The following TRPM4 variants were observed in gnomAD, a reference collection of about 807,000 sequenced individuals.
TRPM4 encodes calcium-activated non-selective cation channel 1.
In TRPM4, 124 loss-of-function variants were observed where a neutral mutation model predicts 135.6. That is an observed-to-expected ratio of 0.91 (90% CI 0.79 to 1.06). The LOEUF is 1.06. Among genes scored for constraint, TRPM4 ranks in the 50% least tolerant of loss-of-function variants. The probability of loss-of-function intolerance (pLI) is 0.00; values close to 1 mark genes in which losing one functional copy is unlikely to be tolerated. For missense variants in TRPM4, 1,658 were observed against 1,671.4 expected (o/e 0.99, Z 0.14); for synonymous variants, 745 against 705.6 (o/e 1.06, Z -0.88).
At chr19:49,170,049 T>A (rs1431903055) in intron 6 of TRPM4, among the ~76,000 whole-genome samples, 2 of 152,196 alleles carry the variant, frequency 1.3e-5, no homozygotes, top group Non-Finnish European at 2.9e-5. Context: ...AATAGGTACT[T>A]TTGTCCCTTC....
In TRPM4 at chr19:49,208,956, CAA is replaced by C. The variant is rs35021741; in HGVS notation, c.3132-1236_3132-1235del. Among the ~76,000 whole-genome samples the C allele has an allele frequency of 5.0e-3, 514 of 103,792 alleles. 1 individual carries two copies. Among genetic ancestry groups the C allele is most frequent in the Middle Eastern group, 0.028 (5 of 180 alleles). The allele number at this position is 103,792 out of a possible 152,430, so 68.1% of individuals were successfully genotyped here. A position where few individuals can be genotyped will look rare whatever the true frequency, so the allele number is the denominator to read the frequency against. On this transcript the variant is annotated intron_variant, in intron 20 of 24. Transcript: ENST00000252826. ...CCTGTGGGACAGAGCAAGACTCCAT[CAA>C]AAAAAAAAAAAAAAAATCGTGAAGT...
chr19:49,199,060 C>T (rs942200720), intron 17 of TRPM4, among the ~76,000 whole-genome samples: 6 of 152,000 alleles, frequency 3.9e-5, no homozygotes, highest in African/African-American at 1.2e-4. Context: ...CCCTTGAGGC[C>T]ATGCTCGACA....
At chr19:49,183,333 C>A in intron 12 of TRPM4, 121 bp downstream of exon 12, 1 of 1,265,528 alleles carries the variant, frequency 7.9e-7, no homozygotes, top group East Asian at 2.4e-5. Flanking sequence ...GCCCCATCCT[C>A]CGTCGCTGAT....
chr19:49,158,047 T>A, intron 1 of TRPM4, 145 bp from the exon 2 acceptor site: 1 of 1,254,186 alleles, frequency 8.0e-7, no homozygotes, highest in Non-Finnish European at 1.1e-6. Flanking sequence ...GGGTCGAGAC[T>A]CCTGAGTCTG....
chr19:49,189,190 C>T (rs1968317172), intron 14 of TRPM4, 99 bp downstream of exon 14: 2 of 1,534,282 alleles, frequency 1.3e-6, no homozygotes, highest in Non-Finnish European at 1.8e-6. Flanking sequence ...TGGTCTTGAC[C>T]AGCCACTCTC....
chr19:49,163,004 C>T (rs12462397), intron 2 of TRPM4, among the ~76,000 whole-genome samples: 5,186 of 151,858 alleles, frequency 0.034, 150 homozygotes, highest in East Asian at 0.15. Flanking sequence ...TCAGGTGATC[C>T]GCCCACCTTG....
chr19:49,170,244 A>G (rs908268545), intron 6 of TRPM4, among the ~76,000 whole-genome samples: 4 of 152,158 alleles, frequency 2.6e-5, no homozygotes, highest in Non-Finnish European at 5.9e-5. Flanking sequence ...GCTGGAGTGC[A>G]GTGGCGTGAT....
Position 49,210,632 on chromosome 19 carries a change from TTC to T in TRPM4, c.3329-76_3329-75del. 1 of 1,608,094 alleles carries T rather than the reference TTC, an allele frequency of 6.2e-7. No homozygotes were observed. Among genetic ancestry groups the T allele is most frequent in the Non-Finnish European group, 8.5e-7 (1 of 1,175,932 alleles). ...GGCTGGGTCTGGGATAGCGTGCGTG[TTC>T]TGAGGGTGTCGGAAGGGGCAGCTGG... is the stretch of plus-strand genomic sequence containing the variant. On this transcript the variant is annotated intron_variant, in intron 21 of 24. Transcript: ENST00000252826. This position sits in a 1 kb window ranked among gnomAD's most constrained non-coding sequence, Gnocchi z 4.1.
chr19:49,163,387 G>A (rs1245615041), intron 2 of TRPM4, among the ~76,000 whole-genome samples: 2 of 151,222 alleles, frequency 1.3e-5, no homozygotes, highest in South Asian at 2.1e-4. Context: ...GTAGAGATAA[G>A]GTTTCACTAT....
intron 3 of TRPM4, chr19:49,167,651 G>T: frequency 3.0e-6 from 1 of 335,956 alleles, no homozygotes; most frequent in Non-Finnish European, 5.3e-6. Context: ...CTCTCTCTCT[G>T]GGTCTCTGTC....
intron 17 of TRPM4, among the ~76,000 whole-genome samples, chr19:49,198,814 G>A (rs148516009): frequency 0.017 from 2,647 of 151,960 alleles, 79 homozygotes; most frequent in African/African-American, 0.054. Context: ...GCCCAGGCTG[G>A]TCTCAAACTC....
intron 3 of TRPM4, among the ~76,000 whole-genome samples, chr19:49,167,259 C>T (rs1280815746): frequency 2.1e-5 from 3 of 142,712 alleles, no homozygotes; most frequent in African/African-American, 2.7e-5. Context: ...CTCTGGGTCT[C>T]TGTCCCTCTC....
intron 9 of TRPM4, among the ~76,000 whole-genome samples, chr19:49,177,373 C>T (rs968728538): frequency 4.3e-5 from 6 of 138,472 alleles, no homozygotes; most frequent in African/African-American, 1.1e-4. Context: ...CTCGCTCTGT[C>T]GCCCAGGCTG....
In TRPM4 at chr19:49,188,932, C is replaced by G. The variant is rs761926597; in HGVS notation, c.1874-14C>G. On this transcript the variant is annotated splice_polypyrimidine_tract_variant and intron_variant, in intron 13 of 24. Coordinates refer to ENST00000252826, the MANE Select transcript of TRPM4 (RefSeq NM_017636.4). ...CTTCCCATCCCTGTCACATAACTAA[C>G]TCCTCTGCCCCAGACCTCTTTGGCG... 1 of 1,614,120 alleles carries G rather than the reference C, an allele frequency of 6.2e-7. No individual in the cohort carries two copies. The highest frequency in any genetic ancestry group is 1.1e-5 in the South Asian group (1 of 91,090).
At chr19:49,180,646 C>T (rs1278686306) in intron 9 of TRPM4, among the ~76,000 whole-genome samples, 1 of 151,952 alleles carries the variant, frequency 6.6e-6, no homozygotes, top group Non-Finnish European at 1.5e-5. Flanking sequence ...CTCCTCTGGG[C>T]CCTAATCATA....
Position 49,188,745 on chromosome 19 carries a change from G to A in TRPM4, c.1848G>A (p.Ala616=), listed in dbSNP as rs778545157. The change falls in exon 13 of 25, where the codon GCG becomes GCA. Residue 616 remains alanine (A), a synonymous_variant. Transcript: ENST00000252826. ...AGGCAGCACGGAGGAAAGACCTGGC[G>A]TTCAAGTTTGAGGGGATGGGCGTTG... ...AEEAARRKDL[A]FKFEGMGVDL... is the part of the protein sequence containing the mutation. The A allele has an allele frequency of 2.5e-6, 4 of 1,614,216 alleles. No individual in the cohort carries two copies. Among genetic ancestry groups the A allele is most frequent in the South Asian group, 1.1e-5 (1 of 91,082 alleles).
At position 49,210,992 on chromosome 19, in the gene TRPM4, G is replaced by A. The variant is rs533083419; in HGVS notation, c.3462-23G>A. The A allele has an allele frequency of 5.3e-5, 85 of 1,612,714 alleles. No individual in the cohort carries two copies. The highest frequency in any genetic ancestry group is 7.0e-5 in the Non-Finnish European group (83 of 1,179,644). On this transcript the variant is annotated intron_variant, in intron 22 of 24. Transcript: ENST00000252826. This position sits in a 1 kb window ranked among gnomAD's most constrained non-coding sequence, Gnocchi z 4.1. ...GGGTGGGTGGGCTGCGGGTGCCCCC[G>A]GTAAGAGGCCCTCCCTTCTCAGGGT...
chr19:49,158,441 C>G, intron 2 of TRPM4, 182 bp downstream of exon 2: 1 of 641,640 alleles, frequency 1.6e-6, no homozygotes, highest in Non-Finnish European at 2.8e-6. Context: ...CCCTCATTCC[C>G]CATTCGCCAT....
At chr19:49,189,180 T>A in intron 14 of TRPM4, 89 bp downstream of exon 14, 2 of 1,567,020 alleles carry the variant, frequency 1.3e-6, no homozygotes, top group South Asian at 2.2e-5. Context: ...GGAACATCTA[T>A]GGTCTTGACC....
Sources: allele counts gnomAD v4.1 joint callset (sites outside exome capture counted in the v4.1 genomes callset), GRCh38; gene constraint gnomAD v4.1.1; non-coding constraint Gnocchi (gnomAD v3.1); transcripts MANE v1.5; gene names NCBI Gene and HGNC (gene_info 2026-07-23, HGNC 2026-07-21).